KLF12: variants seen among roughly 807,000 people sequenced by gnomAD.
The protein encoded by KLF12 is Krueppel-like factor 12.
KLF12 carries 9 observed loss-of-function variants against 37.8 expected under a neutral mutation model. The ratio of observed to expected loss-of-function variants is 0.24; its 90% CI spans 0.14 to 0.42. KLF12 has a LOEUF of 0.42. Ranked by LOEUF, KLF12 falls within the 10% of genes least tolerant of loss-of-function variation. The pLI is 1.00. For synonymous variants in KLF12, 208 were observed against 202.1 expected, an observed-to-expected ratio of 1.03 and a Z score of -0.25; for missense variants, 411 against 516.0, an observed-to-expected ratio of 0.80 and a Z score of 1.97.
At chr13:73,751,025 C>T (rs1878717129) in intron 6 of KLF12, among the ~76,000 whole-genome samples, 1 of 152,124 alleles carries the variant, frequency 6.6e-6, no homozygotes. Context: ...ATCCCATTTG[C>T]ATTTTATAAT....
the KLF12 span, among the ~76,000 whole-genome samples, chr13:74,228,930 T>G: frequency 6.0e-5 from 9 of 151,252 alleles, no homozygotes; most frequent in Admixed American, 3.9e-4. Context: ...TGCTCCAAGC[T>G]TAGGGAATAA....
chr13:74,002,490 CTCAGCCTCT>C (rs1892305604), intron 1 of KLF12, among the ~76,000 whole-genome samples: 1 of 152,182 alleles, frequency 6.6e-6, no homozygotes, highest in South Asian at 2.1e-4. Flanking sequence ...ATCCTCCTGC[CTCAGCCTCT>C]TGAGTAGCTG....
At chr13:73,846,691 T>C (rs1885044240) in intron 3 of KLF12, among the ~76,000 whole-genome samples, 2 of 152,162 alleles carry the variant, frequency 1.3e-5, no homozygotes, top group Admixed American at 1.3e-4. Flanking sequence ...ATTCTAACCC[T>C]TACTCAACAC....
chr13:74,237,658 A>G, the KLF12 span, among the ~76,000 whole-genome samples: 5 of 151,336 alleles, frequency 3.3e-5, no homozygotes, highest in Non-Finnish European at 7.4e-5. Flanking sequence ...GGTACTTCAC[A>G]TCCCTTGTAA....
At chr13:73,839,716 C>T (rs1884641627) in intron 4 of KLF12, among the ~76,000 whole-genome samples, 1 of 152,096 alleles carries the variant, frequency 6.6e-6, no homozygotes, top group Non-Finnish European at 1.5e-5. Flanking sequence ...CACGTTATTG[C>T]TTATATTGTA....
the KLF12 span, among the ~76,000 whole-genome samples, chr13:74,221,264 C>G: frequency 6.6e-6 from 1 of 152,166 alleles, no homozygotes; most frequent in African/African-American, 2.4e-5. Context: ...CCTTGGCCTC[C>G]CAAAGTGCTG....
chr13:73,811,999 A>C (rs530119688), intron 5 of KLF12, among the ~76,000 whole-genome samples: 1 of 152,316 alleles, frequency 6.6e-6, no homozygotes, highest in Admixed American at 6.5e-5. Flanking sequence ...TGGGGAAAAT[A>C]AATGGATATA....
the KLF12 span, among the ~76,000 whole-genome samples, chr13:74,276,252 G>A: frequency 6.6e-6 from 1 of 151,932 alleles, no homozygotes. Context: ...TCCTGTGTTA[G>A]TTTGCTGAGA....
chr13:73,726,099 C>T (rs773253048), intron 6 of KLF12, among the ~76,000 whole-genome samples: 7 of 151,866 alleles, frequency 4.6e-5, no homozygotes, highest in South Asian at 2.1e-4. Context: ...GTGATCCGCC[C>T]GCCTCGGCCT....
the KLF12 span, among the ~76,000 whole-genome samples, chr13:74,217,178 TAAAGA>T: frequency 2.0e-5 from 3 of 152,056 alleles, no homozygotes; most frequent in Admixed American, 6.5e-5. Flanking sequence ...TTTTTTGAAG[TAAAGA>T]AAAGGGTGGA....
In KLF12 at chr13:73,755,619, CT is replaced by C. The variant is rs59024911; in HGVS notation, c.869+9318del. On this transcript the variant is annotated intron_variant, in intron 6 of 7. Coordinates refer to ENST00000377669, the MANE Select transcript of KLF12 (RefSeq NM_007249.5). ...TTAGGGTTGACAAAGCACTTTCTCT[CT>C]TTTTTTTTTTATTTCAATGGGTTTT... Among the ~76,000 whole-genome samples, 706 of 79,574 alleles carry C rather than the reference CT, an allele frequency of 8.9e-3. 4 individuals carry two copies. The highest frequency in any genetic ancestry group is 0.026 in the African/African-American group (576 of 22,552). The allele number at this position is 79,574 out of a possible 152,430, so 52.2% of individuals were successfully genotyped here.
At chr13:74,057,298 T>G (rs538673666) in intron 1 of KLF12, among the ~76,000 whole-genome samples, 1 of 152,200 alleles carries the variant, frequency 6.6e-6, no homozygotes, top group Admixed American at 6.5e-5. Context: ...GGACAGCCAG[T>G]TCATAATGGC....
chr13:74,156,612 C>A, the KLF12 span, among the ~76,000 whole-genome samples: 1 of 151,456 alleles, frequency 6.6e-6, no homozygotes, highest in Non-Finnish European at 1.5e-5. Context: ...TCCCCACGCC[C>A]ACCCCCAAAC....
chr13:74,297,290 T>C, the KLF12 span, among the ~76,000 whole-genome samples: 1 of 152,174 alleles, frequency 6.6e-6, no homozygotes, highest in Non-Finnish European at 1.5e-5. Flanking sequence ...TATTAAGAGA[T>C]GTCAGGTGAG....
At chr13:73,700,135 C>T (rs937376524) in intron 7 of KLF12, among the ~76,000 whole-genome samples, 5 of 151,784 alleles carry the variant, frequency 3.3e-5, no homozygotes, top group South Asian at 2.1e-4. Context: ...GGTGTGGTGA[C>T]GTGCATCTGT....
the KLF12 span, chr13:74,258,356 T>C: frequency 6.6e-6 from 1 of 152,294 alleles, no homozygotes; most frequent in African/African-American, 2.4e-5. Flanking sequence ...AAGTCATTTC[T>C]TTCCCCTAAG....
intron 1 of KLF12, among the ~76,000 whole-genome samples, chr13:73,999,176 T>G (rs112509216): frequency 0.039 from 6,005 of 152,280 alleles, 158 homozygotes; most frequent in African/African-American, 0.068. Context: ...AGTCCACACA[T>G]GAAACACATT....
upstream of KLF12, among the ~76,000 whole-genome samples, chr13:74,138,916 CCT>C (rs1878632667): frequency 6.6e-6 from 1 of 152,178 alleles, no homozygotes; most frequent in Non-Finnish European, 1.5e-5. Context: ...CGATGATCTT[CCT>C]CTGTCTTCTC....
chr13:73,900,833 C>T (rs1888007547), intron 3 of KLF12, among the ~76,000 whole-genome samples: 1 of 152,098 alleles, frequency 6.6e-6, no homozygotes, highest in Non-Finnish European at 1.5e-5. Flanking sequence ...TATACTCCTC[C>T]ACACACATTC....
Sources: allele counts gnomAD v4.1 joint callset (sites outside exome capture counted in the v4.1 genomes callset), GRCh38; gene constraint gnomAD v4.1.1; transcripts MANE v1.5; gene names NCBI Gene and HGNC (gene_info 2026-07-23, HGNC 2026-07-21).